The following FBN1 variants were observed in gnomAD, a reference collection of about 807,000 sequenced individuals.
FBN1 encodes the protein fibrillin-1.
Under a neutral mutation model 365.1 loss-of-function variants are expected in FBN1, and 29 were observed. That is an observed-to-expected ratio of 0.08 (90% CI 0.06 to 0.11). The LOEUF (loss-of-function observed/expected upper bound fraction) is 0.11, where lower values mean the gene tolerates loss of function less well. Among genes scored for constraint, FBN1 ranks in the 10% least tolerant of loss-of-function variants. The probability of loss-of-function intolerance (pLI) is 1.00; values close to 1 mark genes in which losing one functional copy is unlikely to be tolerated. For synonymous variants in FBN1, 1,210 were observed against 1,270.5 expected, an observed-to-expected ratio of 0.95 and a Z score of 1.01; for missense variants, 2,476 against 3,703.2, an observed-to-expected ratio of 0.67 and a Z score of 8.60.
chr15:48,618,065 C>CA (rs1889691818), intron 2 of FBN1, among the ~76,000 whole-genome samples: 1 of 148,532 alleles, frequency 6.7e-6, no homozygotes, highest in Admixed American at 6.7e-5. Flanking sequence ...CCATTAACTG[C>CA]TTTTTTTTTT....
At chr15:48,522,726 A>G (rs1418383593) in intron 9 of FBN1, among the ~76,000 whole-genome samples, 5 of 152,284 alleles carry the variant, frequency 3.3e-5, no homozygotes, top group Non-Finnish European at 7.3e-5. Flanking sequence ...CATTTAAATT[A>G]TTAACATCAA....
chr15:48,489,828 C>A, intron 25 of FBN1, 23 bp downstream of exon 25: 3 of 1,592,978 alleles, frequency 1.9e-6, no homozygotes, highest in Non-Finnish European at 2.6e-6. Flanking sequence ...AGGCAATTGG[C>A]CATGGAAAAC....
Position 48,441,854 on chromosome 15 carries a change from A to T in FBN1, c.6038-8T>A, listed in dbSNP as rs569460847. On this transcript the variant is annotated splice_polypyrimidine_tract_variant and splice_region_variant and intron_variant, in intron 49 of 65. Coordinates refer to ENST00000316623, the MANE Select transcript of FBN1 (RefSeq NM_000138.5). ...CGACACACTCATCAATATCTAAAAG[A>T]ATCACATGAGTCAAACAAAGTCAAA... The T allele has an allele frequency of 2.5e-4, 408 of 1,612,854 alleles. 4 individuals are homozygous for T. In the South Asian group the frequency reaches 4.3e-3, roughly 17 times the overall value.
intron 2 of FBN1, among the ~76,000 whole-genome samples, chr15:48,621,945 C>T (rs1889777106): frequency 6.6e-6 from 1 of 151,592 alleles, no homozygotes; most frequent in African/African-American, 2.4e-5. Flanking sequence ...TTGCAGTGAG[C>T]CGAGATTGTG....
At chr15:48,483,773 T>A (rs1338866577) in intron 31 of FBN1, 45 bp downstream of exon 31, 1 of 1,610,756 alleles carries the variant, frequency 6.2e-7, no homozygotes, top group Admixed American at 1.7e-5. Context: ...TAACAGTGCT[T>A]ATGACTAACA....
chr15:48,591,515 A>AC (rs1597621379), intron 6 of FBN1, among the ~76,000 whole-genome samples: 2 of 152,248 alleles, frequency 1.3e-5, no homozygotes, highest in Admixed American at 6.5e-5. Flanking sequence ...TGTCCTGTAA[A>AC]CACACAGGAA....
At chr15:48,462,232 A>G (rs986969839) in intron 42 of FBN1, among the ~76,000 whole-genome samples, 8 of 152,214 alleles carry the variant, frequency 5.3e-5, no homozygotes, top group African/African-American at 1.4e-4. Flanking sequence ...AATTTCAACT[A>G]ACCCAAATCA....
At chr15:48,602,050 C>T (rs2044571998) in intron 4 of FBN1, among the ~76,000 whole-genome samples, 1 of 152,132 alleles carries the variant, frequency 6.6e-6, no homozygotes, top group Admixed American at 6.5e-5. Flanking sequence ...CCATGCAAAA[C>T]ACCCGGCACT....
intron 35 of FBN1, among the ~76,000 whole-genome samples, chr15:48,472,235 C>T (rs571319187): frequency 6.6e-6 from 1 of 152,250 alleles, no homozygotes; most frequent in East Asian, 1.9e-4. Context: ...GGTTGCATCC[C>T]CCTCCGTAGG....
chr15:48,483,627 G>C (rs907357420), intron 31 of FBN1, among the ~76,000 whole-genome samples, 191 bp downstream of exon 31: 3 of 152,176 alleles, frequency 2.0e-5, no homozygotes, highest in Non-Finnish European at 2.9e-5. Flanking sequence ...TAACATATCT[G>C]ACAAGAGTAC....
At chr15:48,414,336 T>C (rs937200842) in intron 64 of FBN1, among the ~76,000 whole-genome samples, 1 of 152,234 alleles carries the variant, frequency 6.6e-6, no homozygotes, top group African/African-American at 2.4e-5. Flanking sequence ...GATGTTTGTA[T>C]GTCAAGAAAT....
chr15:48,500,358 T>C (rs1038512145), intron 17 of FBN1, among the ~76,000 whole-genome samples: 14 of 152,352 alleles, frequency 9.2e-5, no homozygotes, highest in African/African-American at 3.1e-4. Context: ...GATCTGGTAC[T>C]AGACCATTTT....
intron 6 of FBN1, among the ~76,000 whole-genome samples, chr15:48,575,670 C>A (rs190188237): frequency 6.6e-6 from 1 of 152,098 alleles, no homozygotes; most frequent in East Asian, 1.9e-4. Flanking sequence ...AATATCTACC[C>A]AAAGGAAGAG....
chr15:48,539,589 C>G (rs909386743), intron 6 of FBN1, among the ~76,000 whole-genome samples: 1 of 152,084 alleles, frequency 6.6e-6, no homozygotes, highest in Non-Finnish European at 1.5e-5. Context: ...ATTGAAAAAC[C>G]TTTTAATTCA....
chr15:48,623,333 A>G (rs1411684774), intron 2 of FBN1, among the ~76,000 whole-genome samples: 3 of 152,250 alleles, frequency 2.0e-5, no homozygotes, highest in Non-Finnish European at 2.9e-5. Context: ...GAAAGGCTAC[A>G]TAGGCAGTTA....
At chr15:48,472,215 G>A (rs538171247) in intron 35 of FBN1, among the ~76,000 whole-genome samples, 7 of 152,268 alleles carry the variant, frequency 4.6e-5, no homozygotes, top group African/African-American at 1.7e-4. Context: ...TCCCTCAGTA[G>A]GGATTAACAG....
chr15:48,516,348 G>A lies in FBN1; in HGVS notation c.1162C>T (p.Leu388=). Residue 388 remains leucine, a synonymous_variant, in exon 11 of 66, where the codon CTG becomes TTG. Coordinates refer to ENST00000316623, the MANE Select transcript of FBN1 (RefSeq NM_000138.5). ...GGAATTACCATAGGAACAGAGCACA[G>A]CTTGTTGAAATCCTCTAGAAAAACA... ...PIRATEDFNK[L]CSVPMVIPGR... is the part of the protein sequence containing the mutation. 6.2e-7 allele frequency: 1 copy of A among 1,613,728 alleles called. No homozygotes were observed. The highest frequency in any genetic ancestry group is 1.1e-5 in the South Asian group (1 of 91,082).
chr15:48,450,941 T>C (rs1031401716), intron 45 of FBN1, among the ~76,000 whole-genome samples: 1 of 152,230 alleles, frequency 6.6e-6, no homozygotes, highest in African/African-American at 2.4e-5. Context: ...ATTTCTAGAA[T>C]GAGGTCTTCA....
At chr15:48,563,198 T>C (rs1402687559) in intron 6 of FBN1, among the ~76,000 whole-genome samples, 1 of 152,132 alleles carries the variant, frequency 6.6e-6, no homozygotes, top group East Asian at 1.9e-4. Context: ...GCACTGAAGA[T>C]ATGGGTGAAA....
Sources: allele counts gnomAD v4.1 joint callset (sites outside exome capture counted in the v4.1 genomes callset), GRCh38; gene constraint gnomAD v4.1.1; transcripts MANE v1.5; gene names NCBI Gene and HGNC (gene_info 2026-07-23, HGNC 2026-07-21).